CBLB: variants seen among roughly 807,000 people sequenced by gnomAD.
CBLB encodes E3 ubiquitin-protein ligase CBL-B.
In CBLB, 31 loss-of-function variants were observed where a neutral mutation model predicts 104.9. The observed-to-expected ratio is 0.30, with a 90% confidence interval of 0.22 to 0.40. The LOEUF is 0.40. Among genes scored for constraint, CBLB ranks in the 10% least tolerant of loss-of-function variants. The pLI, the probability that CBLB is intolerant of heterozygous loss-of-function variation, is 1.00. For missense variants in CBLB, 1,062 were observed against 1,214.6 expected, an observed-to-expected ratio of 0.87 and a Z score of 1.87; for synonymous variants, 440 against 422.6, an observed-to-expected ratio of 1.04 and a Z score of -0.51.
chr3:105,702,571 AAGG>A (rs2069386475), intron 11 of CBLB, 112 bp from the exon 12 acceptor site: 1 of 1,168,866 alleles, frequency 8.6e-7, no homozygotes, highest in East Asian at 2.6e-5. Context: ...TAAGCCAAAC[AAGG>A]AGTTTTACTA....
At chr3:105,675,423 G>C (rs968154399) in intron 17 of CBLB, among the ~76,000 whole-genome samples, 1 of 152,086 alleles carries the variant, frequency 6.6e-6, no homozygotes, top group African/African-American at 2.4e-5. Context: ...ACAGTATAAT[G>C]TATTAAATAC....
chr3:105,775,108 A>C (rs1313995877), intron 4 of CBLB, among the ~76,000 whole-genome samples: 1 of 152,176 alleles, frequency 6.6e-6, no homozygotes, highest in East Asian at 1.9e-4. Context: ...TAAATTCTTC[A>C]TTTCTGAATG....
intron 4 of CBLB, 90 bp downstream of exon 4, chr3:105,776,306 C>T: frequency 1.7e-6 from 2 of 1,168,132 alleles, no homozygotes; most frequent in Non-Finnish European, 2.5e-6. Context: ...ACAAAACACT[C>T]AAGTAAAATA....
chr3:105,753,974 C>T (rs2076815057), intron 4 of CBLB, among the ~76,000 whole-genome samples: 1 of 152,128 alleles, frequency 6.6e-6, no homozygotes, highest in Admixed American at 6.6e-5. Context: ...TGATAAACCT[C>T]AAATCCAAAG....
intron 3 of CBLB, among the ~76,000 whole-genome samples, chr3:105,795,483 A>G (rs955225946): frequency 6.6e-6 from 1 of 152,216 alleles, no homozygotes; most frequent in African/African-American, 2.4e-5. Context: ...TATGTTGAGT[A>G]TGTGTGTATA....
At chr3:105,668,009 T>C (rs1485261081) in intron 18 of CBLB, among the ~76,000 whole-genome samples, 1 of 152,188 alleles carries the variant, frequency 6.6e-6, no homozygotes, top group African/African-American at 2.4e-5. Flanking sequence ...TAAAATAAAC[T>C]AGTGAACAGC....
chr3:105,675,124 C>T (rs372456275), intron 17 of CBLB, among the ~76,000 whole-genome samples: 4 of 152,182 alleles, frequency 2.6e-5, no homozygotes, highest in Non-Finnish European at 5.9e-5. Context: ...AACCTCTCTT[C>T]CTAAGACACC....
chr3:105,673,204 G>C (rs1307097076), intron 17 of CBLB: 2 of 151,996 alleles, frequency 1.3e-5, no homozygotes, highest in South Asian at 2.1e-4. Flanking sequence ...AAGTAGCTGA[G>C]ACTACAGGCG....
Position 105,681,554 on chromosome 3 carries a change from T to G in CBLB, c.2353A>C (p.Thr785Pro), listed in dbSNP as rs370728492. Reference protein sequence around the residue: ...PVPLPPARPPTRDNPKHGSSL... With the variant: ...PVPLPPARPPPRDNPKHGSSL... ...GAACCATGCTTTGGATTGTCCCGAG[T>G]TGGAGGCCTGGCAGGTGGTAATGGC... Residue 785 changes from threonine (T) to proline (P), a missense_variant, in exon 16 of 19, where the codon ACT becomes CCT. Physicochemically the swap from Thr to Pro is conservative, Grantham distance 38. This residue lies in a region of CBLB where 605 missense variants were observed against 582.6 expected (regional missense o/e 1.04). Coordinates refer to ENST00000394030, the MANE Select transcript of CBLB (RefSeq NM_170662.5). 10 of 1,614,008 alleles carry G rather than the reference T, an allele frequency of 6.2e-6. No homozygotes were observed. The South Asian group carries it at 8.8e-5, about 14-fold the overall frequency.
chr3:105,867,732 C>A, intron 1 of CBLB, 141 bp from the exon 2 acceptor site: 1 of 709,678 alleles, frequency 1.4e-6, no homozygotes, highest in Non-Finnish European at 2.4e-6. Flanking sequence ...TCATCTTTAT[C>A]AATAAGCTTG....
At chr3:105,754,977 T>C (rs985324156) in intron 4 of CBLB, among the ~76,000 whole-genome samples, 1 of 151,858 alleles carries the variant, frequency 6.6e-6, no homozygotes, top group African/African-American at 2.4e-5. Context: ...CAAAAAACAA[T>C]AGTAATCCTC....
chr3:105,841,942 C>G (rs969392353), intron 3 of CBLB, among the ~76,000 whole-genome samples: 7 of 151,964 alleles, frequency 4.6e-5, no homozygotes, highest in African/African-American at 1.7e-4. Context: ...ATACTGCCAG[C>G]CTTTCAAATT....
At chr3:105,664,611 A>G (rs929154734) in intron 18 of CBLB, among the ~76,000 whole-genome samples, 5 of 152,174 alleles carry the variant, frequency 3.3e-5, no homozygotes, top group African/African-American at 1.2e-4. Flanking sequence ...TAATATGCGC[A>G]TAATTAGAAA....
intron 3 of CBLB, among the ~76,000 whole-genome samples, chr3:105,778,430 A>C (rs2079744891): frequency 6.6e-6 from 1 of 152,196 alleles, no homozygotes; most frequent in Admixed American, 6.5e-5. Flanking sequence ...TACAAAGGAG[A>C]TACATAACTT....
Position 105,656,407 on chromosome 3 carries a change from A to T in CBLB, c.*2563T>A, listed in dbSNP as rs910801596. On this transcript the variant is annotated 3_prime_UTR_variant, in exon 19 of 19. Coordinates refer to ENST00000394030, the MANE Select transcript of CBLB (RefSeq NM_170662.5). ...AGCAGTCGCTTTTACAATAAAAAAA[A>T]ATTTTTTTAGGTTTAATTTCATAGG... is the stretch of plus-strand genomic sequence containing the variant. The T allele has an allele frequency of 2.5e-5, 5 of 199,580 alleles. No homozygotes were observed. Among genetic ancestry groups the T allele is most frequent in the African/African-American group, 9.2e-5 (4 of 43,398 alleles). The allele number at this position is 199,580 out of a possible 1,614,324, so 12.4% of individuals were successfully genotyped here. A position where few individuals can be genotyped will look rare whatever the true frequency, so the allele number is the denominator to read the frequency against.
In CBLB at chr3:105,720,099, T is replaced by G. The variant is rs1426577683; in HGVS notation, c.1355A>C (p.Asp452Ala). The change falls in exon 10 of 19, where the codon GAT becomes GCT. Residue 452 changes from aspartate (D) to alanine (A), a missense_variant. Physicochemically the swap from Asp to Ala is moderately radical, Grantham distance 126. Transcript: ENST00000394030. ...CATCAAGGACTCCTCACGATCATCA[T>G]CGTCGTCCAAGTCTAGCATCGGCAT... ...FGMPMLDLDD[D>A]DDREESLMMN... 6.2e-7 allele frequency: 1 copy of G among 1,614,054 alleles called. No individual in the cohort carries two copies. Among genetic ancestry groups the G allele is most frequent in the Admixed American group, 1.7e-5 (1 of 59,988 alleles).
At chr3:105,663,551 G>T (rs2064042547) in intron 18 of CBLB, among the ~76,000 whole-genome samples, 1 of 152,106 alleles carries the variant, frequency 6.6e-6, no homozygotes. Context: ...TCAACATTCT[G>T]CTTTTATGAG....
intron 5 of CBLB, among the ~76,000 whole-genome samples, chr3:105,748,069 G>A (rs908014072): frequency 2.6e-5 from 4 of 152,032 alleles, no homozygotes; most frequent in African/African-American, 9.7e-5. Flanking sequence ...AAAGTATTTC[G>A]ACAACTACTG....
At chr3:105,728,217 T>A (rs756073458) in intron 9 of CBLB, among the ~76,000 whole-genome samples, 3 of 152,134 alleles carry the variant, frequency 2.0e-5, no homozygotes, top group African/African-American at 4.8e-5. Flanking sequence ...GAAAACCCCG[T>A]CGTCTCAGCC....
Sources: gnomAD v4.1 joint callset for allele counts (sites outside exome capture counted in the v4.1 genomes callset) on GRCh38, gnomAD v4.1.1 for gene constraint, gnomAD v4.1.1 regional missense constraint, MANE v1.5 for transcripts, NCBI Gene and HGNC (gene_info 2026-07-23, HGNC 2026-07-21) for gene names.